AHNAK2: variants seen among roughly 807,000 people sequenced by gnomAD.
AHNAK2 encodes the protein AHNAK nucleoprotein 2, also known as protein AHNAK2.
In AHNAK2, 18 loss-of-function variants were observed where a neutral mutation model predicts 30.7. The ratio of observed to expected loss-of-function variants is 0.59; its 90% CI spans 0.41 to 0.87. AHNAK2 has a LOEUF of 0.87. Among genes scored for constraint, AHNAK2 ranks in the 40% least tolerant of loss-of-function variants. The pLI is 0.00. For synonymous variants in AHNAK2, 3,590 were observed against 3,073.8 expected, an observed-to-expected ratio of 1.17 and a Z score of -5.56; for missense variants, 8,604 against 7,373.0, an observed-to-expected ratio of 1.17 and a Z score of -6.11.
intron 1 of AHNAK2, among the ~76,000 whole-genome samples, chr14:104,968,555 G>A (rs1029590933): frequency 2.6e-5 from 4 of 152,178 alleles, no homozygotes; most frequent in East Asian, 1.9e-4. Context: ...GAACAGGTCC[G>A]TGGGGGGAGG....
In AHNAK2 at chr14:104,952,784, G is replaced by C; in HGVS notation, c.2667C>G (p.Asp889Glu). The C allele has an allele frequency of 1.2e-6, 2 of 1,612,564 alleles. No individual in the cohort carries two copies. The highest frequency in any genetic ancestry group is 8.5e-7 in the Non-Finnish European group (1 of 1,179,544). Residue 889 changes from aspartate (D) to glutamate (E), a missense_variant, in exon 7 of 7, where the codon GAC (aspartate) becomes GAG (glutamate). Physicochemically the swap from Asp to Glu is conservative, Grantham distance 45. Coordinates refer to ENST00000333244, the MANE Select transcript of AHNAK2 (RefSeq NM_138420.4). ...TDLSIQPPSA[D>E]LEVQAGQVDV... ...CCACTTGGCCAGCCTGGACCTCCAG[G>C]TCAGCGGAAGGGGGCTGAATGCTGA... is the stretch of plus-strand genomic sequence containing the variant.
In AHNAK2 at chr14:104,954,887, C is replaced by T. The variant is rs957740533; in HGVS notation, c.651+70G>A. 2.2e-5 allele frequency: 34 copies of T among 1,550,432 alleles called. No homozygotes were observed. Among genetic ancestry groups the T allele is most frequent in the Non-Finnish European group, 2.9e-5 (33 of 1,150,044 alleles). On this transcript the variant is annotated intron_variant, in intron 6 of 6. Transcript: ENST00000333244. The surrounding 1 kb of genome is among the most constrained non-coding windows in gnomAD (Gnocchi z 4.3). Reference sequence around the variant, plus strand: ...GGACAGATGGAGTGGGAGTGCTATCCCCTCCCAGGCTCAGCCAGCAGGGTA... The same window carrying T: ...GGACAGATGGAGTGGGAGTGCTATCTCCTCCCAGGCTCAGCCAGCAGGGTA...
rs372139093 is a variant in AHNAK2 at position 104,946,433 on chromosome 14, C to A, written c.9018G>T (p.Pro3006=). The part of the protein sequence containing the change: ...SIEVSVDVSA[P]KVEAEVSLPS... Reference sequence around the variant, plus strand: ...GGAGGCTCACTTCGGCCTCCACCTTCGGCGCAGACACATCCACCGAGACCT... The same window carrying A: ...GGAGGCTCACTTCGGCCTCCACCTTAGGCGCAGACACATCCACCGAGACCT... Residue 3006 remains proline (P), a synonymous_variant, in exon 7 of 7, where the codon CCG becomes CCT. Coordinates refer to ENST00000333244, the MANE Select transcript of AHNAK2 (RefSeq NM_138420.4). The A allele has an allele frequency of 1.2e-6, 2 of 1,611,544 alleles. No individual in the cohort carries two copies. The highest frequency in any genetic ancestry group is 1.7e-6 in the Non-Finnish European group (2 of 1,179,372).
rs754340239 is a variant in AHNAK2 at position 104,949,802 on chromosome 14, C to A, written c.5649G>T (p.Gln1883His). 3 of 1,587,446 alleles carry A rather than the reference C, an allele frequency of 1.9e-6. 1 individual carries two copies. The African/African-American group carries it at 4.1e-5, about 22-fold the overall frequency. Residue 1883 changes from glutamine (Q) to histidine (H), a missense_variant, in exon 7 of 7, where the codon CAG becomes CAT. Gln to His is a conservative substitution (Grantham distance 24). Coordinates refer to ENST00000333244, the MANE Select transcript of AHNAK2 (RefSeq NM_138420.4). ...GGAGCTTCATGTCCACTTGGCCAGCCTGGACCACCAGGTCTGCAGAAGGGA... is the reference window on the plus strand; with the variant it reads ...GGAGCTTCATGTCCACTTGGCCAGCATGGACCACCAGGTCTGCAGAAGGGA... ...IPLPSADLVV[Q>H]AGQVDMKLPE...
In AHNAK2 at chr14:104,956,549, C is replaced by G. The variant is rs367928230; in HGVS notation, c.315+39G>C. The G allele has an allele frequency of 4.4e-6, 7 of 1,604,288 alleles. No homozygotes were observed. The East Asian group carries it at 1.6e-4, about 36-fold the overall frequency. The stretch of plus-strand genomic sequence containing the variant: ...CTCTCTGGCTGGATCCCTTGAGGAC[C>G]GACACACCTCTGTGACCCTCAGCTC... On this transcript the variant is annotated intron_variant, in intron 4 of 6. Coordinates refer to ENST00000333244, the MANE Select transcript of AHNAK2 (RefSeq NM_138420.4).
In AHNAK2 at chr14:104,939,171, T is replaced by C. The variant is rs758432817; in HGVS notation, c.16280A>G (p.Glu5427Gly). The change falls in exon 7 of 7, where the codon GAA becomes GGA. Residue 5427 changes from glutamate (E) to glycine (G), a missense_variant. By Grantham distance (98) the Glu-to-Gly change is moderately conservative. Transcript: ENST00000333244. ...EANIDTALCKESPGLWGASIL... is the reference protein window; with the variant it reads ...EANIDTALCKGSPGLWGASIL... Reference sequence around the variant, plus strand: ...GCTGGCTCCCCAGAGCCCCGGACTTTCCTTACAAAGGGCTGTATCAATATT... The same window carrying C: ...GCTGGCTCCCCAGAGCCCCGGACTTCCCTTACAAAGGGCTGTATCAATATT... The C allele has an allele frequency of 2.5e-6, 4 of 1,613,330 alleles. No homozygotes were observed. Among genetic ancestry groups the C allele is most frequent in the South Asian group, 2.2e-5 (2 of 91,010 alleles).
In AHNAK2 at chr14:104,954,196, GC is replaced by G. The variant is rs1566920733; in HGVS notation, c.1254del (p.Arg418SerfsTer29). 1 of 1,610,218 alleles carries G rather than the reference GC, an allele frequency of 6.2e-7. No individual in the cohort carries two copies. Among genetic ancestry groups the G allele is most frequent in the East Asian group, 2.2e-5 (1 of 44,866 alleles). On this transcript the variant is annotated frameshift_variant, in exon 7 of 7. Transcript: ENST00000333244. LOFTEE classifies it low-confidence loss of function (END_TRUNC). This position sits in a 1 kb window ranked among gnomAD's most constrained non-coding sequence, Gnocchi z 4.3. ...TGCCCCTCCAGGGTCTTTCCATGGAGCCTGGCTGCCCTGAGTCCCCCTTCCT... is the reference window on the plus strand; with the variant it reads ...TGCCCCTCCAGGGTCTTTCCATGGAGCTGGCTGCCCTGAGTCCCCCTTCCT... ...TPQEGGLRAA[R>X]LHGKTLEGQA...
In AHNAK2 at chr14:104,946,328, C is replaced by T; in HGVS notation, c.9123G>A (p.Gln3041=). The change falls in exon 7 of 7, where the codon CAG becomes CAA. Residue 3041 remains glutamine, a synonymous_variant. Coordinates refer to ENST00000333244, the MANE Select transcript of AHNAK2 (RefSeq NM_138420.4). ...PSAQLEVQAG[Q]VDLKLPEGHV... is the part of the protein sequence containing the mutation. The stretch of plus-strand genomic sequence containing the variant: ...GGCCCTCTGGGAGCTTCAGGTCCAC[C>T]TGGCCAGCCTGGACCTCCAGTTGGG... 6.2e-7 allele frequency: 1 copy of T among 1,612,270 alleles called. No individual in the cohort carries two copies. The highest frequency in any genetic ancestry group is 1.3e-5 in the African/African-American group (1 of 74,536).
Position 104,939,326 on chromosome 14 carries a change from T to C in AHNAK2, c.16125A>G (p.Gln5375=), listed in dbSNP as rs572420738. 19 of 1,613,756 alleles carry C rather than the reference T, an allele frequency of 1.2e-5. No individual in the cohort carries two copies. In the African/African-American group the frequency reaches 2.3e-4, roughly 19 times the overall value. The change falls in exon 7 of 7, where the codon CAA becomes CAG. Residue 5375 remains glutamine (Q), a synonymous_variant. Coordinates refer to ENST00000333244, the MANE Select transcript of AHNAK2 (RefSeq NM_138420.4). ...CAGTTAGGACAGAATCTTCCCACAG[T>C]TGATCCACATTAACCACAGAAATCT... The part of the protein sequence containing the change: ...PSQISVVNVD[Q]LWEDSVLTVK...
At position 104,938,991 on chromosome 14, in the gene AHNAK2, A is replaced by T; in HGVS notation, c.16460T>A (p.Phe5487Tyr). The T allele has an allele frequency of 6.2e-7, 1 of 1,610,758 alleles. No homozygotes were observed. Among genetic ancestry groups the T allele is most frequent in the Non-Finnish European group, 8.5e-7 (1 of 1,178,768 alleles). The change falls in exon 7 of 7, where the codon TTT becomes TAT. Residue 5487 changes from phenylalanine (F) to tyrosine (Y), a missense_variant. Coordinates refer to ENST00000333244, the MANE Select transcript of AHNAK2 (RefSeq NM_138420.4). ...VTIHSIVTPE[F>Y]VDLSVPRTFS... ...AGTCCTGGGTACTGAGAGATCTACA[A>T]ACTCTGGTGTCACTATGCTGTGTAT...
Position 104,940,324 on chromosome 14 carries a change from T to C in AHNAK2, c.15127A>G (p.Arg5043Gly). 6.2e-7 allele frequency: 1 copy of C among 1,613,828 alleles called. No individual in the cohort carries two copies. Among genetic ancestry groups the C allele is most frequent in the African/African-American group, 1.3e-5 (1 of 75,036 alleles). ...ASKSGVSLPQRDVDPSLSSAT... is the reference protein window; with the variant it reads ...ASKSGVSLPQGDVDPSLSSAT... ...CTAGAAAGGGAAGGATCCACGTCTC[T>C]CTGTGGCAGGCTGACCCCACTCTTA... is the stretch of plus-strand genomic sequence containing the variant. The change falls in exon 7 of 7, where the codon AGA becomes GGA. Residue 5043 changes from arginine (R) to glycine (G), a missense_variant. Physicochemically the swap from Arg to Gly is moderately radical, Grantham distance 125. Transcript: ENST00000333244. The surrounding 1 kb of genome is among the most constrained non-coding windows in gnomAD (Gnocchi z 4.4).
chr14:104,969,103 T>C (rs1212994173), intron 1 of AHNAK2, among the ~76,000 whole-genome samples: 2 of 152,126 alleles, frequency 1.3e-5, no homozygotes, highest in Admixed American at 6.5e-5. Context: ...TTGAGATAAC[T>C]CTCTCGGGAT....
chr14:104,951,605 C>G lies in AHNAK2; in HGVS notation c.3846G>C (p.Val1282=), dbSNP rs753729135. ...GAGACACAGCCACTTCGTGGGCCGT[C>G]ACCTCTGCCTTATGACCTTTCAGGT... ...KLDLKGHKAE[V]TAHEVAVSLP... Residue 1282 remains valine, a synonymous_variant, in exon 7 of 7, where the codon GTG becomes GTC. Transcript: ENST00000333244. 9.6e-6 allele frequency: 12 copies of G among 1,246,492 alleles called. 5 individuals carry two copies. Among genetic ancestry groups the G allele is most frequent in the Non-Finnish European group, 9.1e-6 (8 of 880,436 alleles). The allele number at this position is 1,246,492 out of a possible 1,614,324, so 77.2% of individuals were successfully genotyped here.
chr14:104,948,237 T>G lies in AHNAK2; in HGVS notation c.7214A>C (p.Gln2405Pro). 6.2e-7 allele frequency: 1 copy of G among 1,612,648 alleles called. No homozygotes were observed. Among genetic ancestry groups the G allele is most frequent in the Non-Finnish European group, 8.5e-7 (1 of 1,179,560 alleles). The change falls in exon 7 of 7, where the codon CAG (glutamine) becomes CCG (proline). Residue 2405 changes from glutamine to proline, a missense_variant. Coordinates refer to ENST00000333244, the MANE Select transcript of AHNAK2 (RefSeq NM_138420.4). ...TTTGGGCATCTTGAAACTGGGCATCTGCAGCTTGGGCAGGTGCCCTTTGAG... is the reference window on the plus strand; with the variant it reads ...TTTGGGCATCTTGAAACTGGGCATCGGCAGCTTGGGCAGGTGCCCTTTGAG... ...AGLKGHLPKL[Q>P]MPSFKMPKVD...
chr14:104,957,355 A>C lies in AHNAK2; in HGVS notation c.213+55T>G. 8.1e-6 allele frequency: 12 copies of C among 1,483,292 alleles called. No individual in the cohort carries two copies. In the South Asian group the frequency reaches 1.5e-4, roughly 18 times the overall value. The allele number at this position is 1,483,292 out of a possible 1,614,324, so 91.9% of individuals were successfully genotyped here. On this transcript the variant is annotated intron_variant, in intron 3 of 6. Coordinates refer to ENST00000333244, the MANE Select transcript of AHNAK2 (RefSeq NM_138420.4). Reference sequence around the variant, plus strand: ...ACAGACATGCGTGAGTTGCCCACACAGGGCGATGCAGGAGGAGACCTGGGT... The same window carrying C: ...ACAGACATGCGTGAGTTGCCCACACCGGGCGATGCAGGAGGAGACCTGGGT...
Position 104,943,811 on chromosome 14 carries a change from G to C in AHNAK2, c.11640C>G (p.Ala3880=). The C allele has an allele frequency of 1.2e-6, 2 of 1,613,234 alleles. No homozygotes were observed. Among genetic ancestry groups the C allele is most frequent in the Non-Finnish European group, 1.7e-6 (2 of 1,179,620 alleles). ...CCTTGGGCAGGTGTCCTTTGAGGCC[G>C]GCTTCCTCGGGCACGTGGCCCTCCA... ...KLLEGHVPEE[A]GLKGHLPKVQ... Residue 3880 remains alanine (A), a synonymous_variant, in exon 7 of 7, where the codon GCC becomes GCG. Coordinates refer to ENST00000333244, the MANE Select transcript of AHNAK2 (RefSeq NM_138420.4).
chr14:104,941,185 A>C lies in AHNAK2; in HGVS notation c.14266T>G (p.Ser4756Ala). 1 of 1,613,644 alleles carries C rather than the reference A, an allele frequency of 6.2e-7. No individual in the cohort carries two copies. The highest frequency in any genetic ancestry group is 8.5e-7 in the Non-Finnish European group (1 of 1,179,896). Residue 4756 changes from serine to alanine, a missense_variant, in exon 7 of 7, where the codon TCC becomes GCC. Ser to Ala is a moderately conservative substitution (Grantham distance 99). Transcript: ENST00000333244. Reference sequence around the variant, plus strand: ...AAACCCACCTTAGGCATCTGCATGGATGGCTCTGAACAAGCCGAAACCTGT... The same window carrying C: ...AAACCCACCTTAGGCATCTGCATGGCTGGCTCTGAACAAGCCGAAACCTGT... ...LQQVSACSEPSMQMPKVGFAG... is the reference protein window; with the variant it reads ...LQQVSACSEPAMQMPKVGFAG...
Position 104,950,930 on chromosome 14 carries a change from G to T in AHNAK2, c.4521C>A (p.Ala1507=). The change falls in exon 7 of 7, where the codon GCC becomes GCA. Residue 1507 remains alanine (A), a synonymous_variant. Transcript: ENST00000333244. ...KFKMPSFGVS[A]PGKSIEASVD... is the part of the protein sequence containing the mutation. ...CTGAGGCCTCGATGGACTTGCCTGG[G>T]GCAGACACCCCGAACGACGGCATCT... The T allele has an allele frequency of 1.3e-6, 2 of 1,552,492 alleles. No individual in the cohort carries two copies. Among genetic ancestry groups the T allele is most frequent in the Non-Finnish European group, 1.8e-6 (2 of 1,138,750 alleles).
At position 104,947,193 on chromosome 14, in the gene AHNAK2, A is replaced by G. The variant is rs773899204; in HGVS notation, c.8258T>C (p.Val2753Ala). The G allele has an allele frequency of 6.2e-7, 1 of 1,611,876 alleles. No individual in the cohort carries two copies. Among genetic ancestry groups the G allele is most frequent in the Non-Finnish European group, 8.5e-7 (1 of 1,179,430 alleles). The change falls in exon 7 of 7, where the codon GTT becomes GCT. Residue 2753 changes from valine (V) to alanine (A), a missense_variant. Coordinates refer to ENST00000333244, the MANE Select transcript of AHNAK2 (RefSeq NM_138420.4). ...EVDLKGPQID[V>A]KGPNVDLKGP... ...TTTCAGGTCCACGTTGGGGCCCTTA[A>G]CATCTATCTGGGGGCCCTTGAGGTC...
Sources: allele counts gnomAD v4.1 joint callset (sites outside exome capture counted in the v4.1 genomes callset), GRCh38; gene constraint gnomAD v4.1.1; non-coding constraint Gnocchi (gnomAD v3.1); transcripts MANE v1.5; gene names NCBI Gene and HGNC (gene_info 2026-07-23, HGNC 2026-07-21).